SERPINA10: variants seen among roughly 807,000 people sequenced by gnomAD.
SERPINA10 encodes serpin family A member 10, also known as protein Z-dependent protease inhibitor.
Under a neutral mutation model 28.0 loss-of-function variants are expected in SERPINA10, and 24 were observed. The observed-to-expected ratio is 0.86, with a 90% CI of 0.62 to 1.20. SERPINA10 has a LOEUF of 1.20. Among genes scored for constraint, SERPINA10 ranks in the 50% most tolerant of loss-of-function variants. SERPINA10 has a pLI of 0.00. For synonymous variants in SERPINA10, 207 were observed against 203.9 expected, an observed-to-expected ratio of 1.02 and a Z score of -0.13; for missense variants, 521 against 537.7, an observed-to-expected ratio of 0.97 and a Z score of 0.31.
rs1228394827 is a variant in SERPINA10, at chr14:94,290,161, A to G, written c.433T>C (p.Phe145Leu). Residue 145 changes from phenylalanine (F) to leucine (L), a missense_variant, in exon 2 of 5, where the codon TTT becomes CTT. Coordinates refer to ENST00000261994, the MANE Select transcript of SERPINA10 (RefSeq NM_001100607.3). Reference protein sequence around the residue: ...PTKPGLLPSLFKGLRETLSRN... With the variant: ...PTKPGLLPSLLKGLRETLSRN... ...GAGAGGGTCTCTCTGAGTCCCTTAA[A>G]GAGGGAAGGCAGGAGCCCGGGCTTG... The G allele has an allele frequency of 1.9e-6, 3 of 1,613,932 alleles. No homozygotes were observed. The highest frequency in any genetic ancestry group is 3.3e-5 in the Admixed American group (2 of 59,996).
chr14:94,290,176 G>T lies in SERPINA10; in HGVS notation c.418C>A (p.Leu140Ile), dbSNP rs941881904. ...LQALKPTKPG[L>I]LPSLFKGLRE... ...AGTCCCTTAAAGAGGGAAGGCAGGA[G>T]CCCGGGCTTGGTGGGCTTCAGGGCC... Residue 140 changes from leucine (L) to isoleucine (I), a missense_variant, in exon 2 of 5, where the codon CTC becomes ATC. By Grantham distance (5) the Leu-to-Ile change is conservative. Transcript: ENST00000261994. 2 of 1,614,020 alleles carry T rather than the reference G, an allele frequency of 1.2e-6. No homozygotes were observed. Among genetic ancestry groups the T allele is most frequent in the Non-Finnish European group, 1.7e-6 (2 of 1,179,932 alleles).
At chr14:94,292,783 G>A (rs1157857330) in intron 1 of SERPINA10, 1 of 678,798 alleles carries the variant, frequency 1.5e-6, no homozygotes, top group Middle Eastern at 3.6e-4. Context: ...CATCCAGCAT[G>A]GTGAGGACGC....
rs1368860948 is a variant in SERPINA10, at chr14:94,289,900, G to C, written c.694C>G (p.Leu232Val). Reference sequence around the variant, plus strand: ...CCTTTGAACAAGATGTAATCCACAAGAATTAATTTGGTTTCAGGATTAATC... The same window carrying C: ...CCTTTGAACAAGATGTAATCCACAACAATTAATTTGGTTTCAGGATTAATC... ...DEINPETKLI[L>V]VDYILFKGKW... The change falls in exon 2 of 5, where the codon CTT becomes GTT. Residue 232 changes from leucine to valine, a missense_variant. Coordinates refer to ENST00000261994, the MANE Select transcript of SERPINA10 (RefSeq NM_001100607.3). The C allele has an allele frequency of 1.9e-6, 3 of 1,613,948 alleles. No individual in the cohort carries two copies. The highest frequency in any genetic ancestry group is 2.5e-6 in the Non-Finnish European group (3 of 1,179,966).
At chr14:94,292,837 C>T (rs1226466612) in intron 1 of SERPINA10, 1 of 608,246 alleles carries the variant, frequency 1.6e-6, no homozygotes. Flanking sequence ...CACCAGCTCA[C>T]CTGCCACTTC....
intron 3 of SERPINA10, among the ~76,000 whole-genome samples, chr14:94,286,576 CT>C (rs1895030968): frequency 6.6e-6 from 1 of 152,202 alleles, no homozygotes; most frequent in Non-Finnish European, 1.5e-5. Flanking sequence ...GTCCTGCAGC[CT>C]CCTGGATGAT....
rs1894953900 is a variant in SERPINA10, at chr14:94,283,822, A to G, written c.*143T>C. 1 of 776,818 alleles carries G rather than the reference A, an allele frequency of 1.3e-6. No homozygotes were observed. The highest frequency in any genetic ancestry group is 2.2e-6 in the Non-Finnish European group (1 of 460,826). The allele number at this position is 776,818 out of a possible 1,614,324, so 48.1% of individuals were successfully genotyped here. A position where few individuals can be genotyped will look rare whatever the true frequency, so the allele number is the denominator to read the frequency against. On this transcript the variant is annotated 3_prime_UTR_variant, in exon 5 of 5. Coordinates refer to ENST00000261994, the MANE Select transcript of SERPINA10 (RefSeq NM_001100607.3). ...TATCCCCCTCAGATAAGTGGGGACT[A>G]CTGTATTTATTTGAGAACACCCTAA...
At chr14:94,284,432 G>A (rs1482145534) in intron 4 of SERPINA10, among the ~76,000 whole-genome samples, 1 of 152,210 alleles carries the variant, frequency 6.6e-6, no homozygotes, top group Non-Finnish European at 1.5e-5. Flanking sequence ...ATGCACTCAT[G>A]CATCAAATCT....
In SERPINA10 at chr14:94,284,137, A is replaced by G; in HGVS notation, c.1163T>C (p.Ile388Thr). ...CTCAGTGCCCCTTTCATCAACTTCA[A>G]TCACTGTTCTTTGTAAAACCTGGAA... ...QVSRVLQRTV[I>T]EVDERGTEAV... The change falls in exon 5 of 5, where the codon ATT becomes ACT. Residue 388 changes from isoleucine to threonine, a missense_variant. Physicochemically the swap from Ile to Thr is moderately conservative, Grantham distance 89. Transcript: ENST00000261994. 1.2e-6 allele frequency: 2 copies of G among 1,614,136 alleles called. No individual in the cohort carries two copies. The highest frequency in any genetic ancestry group is 1.7e-6 in the Non-Finnish European group (2 of 1,179,950).
chr14:94,291,912 A>C (rs1035360231), intron 1 of SERPINA10, among the ~76,000 whole-genome samples: 1 of 152,210 alleles, frequency 6.6e-6, no homozygotes, highest in Non-Finnish European at 1.5e-5. Context: ...CTCACTCTGC[A>C]GTCTGAACGG....
intron 3 of SERPINA10, among the ~76,000 whole-genome samples, chr14:94,286,511 T>C (rs958203266): frequency 6.6e-6 from 1 of 152,246 alleles, no homozygotes; most frequent in Non-Finnish European, 1.5e-5. Flanking sequence ...AAAGTACTTA[T>C]GTGTTCATTT....
At position 94,281,268 on chromosome 14, in the gene SERPINA10, C is replaced by G. The variant is rs1436664889; in HGVS notation, c.*2697G>C. The G allele has an allele frequency of 6.6e-6, 1 of 152,186 alleles. No individual in the cohort carries two copies. Among genetic ancestry groups the G allele is most frequent in the Non-Finnish European group, 1.5e-5 (1 of 68,144 alleles). The allele number at this position is 152,186 out of a possible 1,614,324, so 9.4% of individuals were successfully genotyped here. On this transcript the variant is annotated 3_prime_UTR_variant, in exon 5 of 5. Transcript: ENST00000261994. ...TGACTAACACAGTGAAACCCCATCT[C>G]TACTTAAAATACAAAAAATTAGCCG...
At chr14:94,291,239 C>CCTATAG (rs1895172854) in intron 1 of SERPINA10, among the ~76,000 whole-genome samples, 1 of 152,156 alleles carries the variant, frequency 6.6e-6, no homozygotes, top group African/African-American at 2.4e-5. Context: ...TTCCTTCCTT[C>CCTATAG]CTATAGCTGC....
chr14:94,283,534 C>G lies in SERPINA10; in HGVS notation c.*431G>C, dbSNP rs1246506255. On this transcript the variant is annotated 3_prime_UTR_variant, in exon 5 of 5. Transcript: ENST00000261994. ...TGTCCCACCCAGGATGTGAATTCTC[C>G]CCTTGCCCAATGTCTCCACACTGTC... The G allele has an allele frequency of 4.6e-6, 1 of 217,004 alleles. No individual in the cohort carries two copies. Among genetic ancestry groups the G allele is most frequent in the Non-Finnish European group, 9.2e-6 (1 of 108,908 alleles). 13.4% of individuals were successfully genotyped at this position (217,004 alleles called of 1,614,324 possible). A position where few individuals can be genotyped will look rare whatever the true frequency, so the allele number is the denominator to read the frequency against.
In SERPINA10 at chr14:94,289,957, T is replaced by G; in HGVS notation, c.637A>C (p.Thr213Pro). 6.2e-7 allele frequency: 1 copy of G among 1,614,070 alleles called. No individual in the cohort carries two copies. The change falls in exon 2 of 5, where the codon ACT becomes CCT. Residue 213 changes from threonine to proline, a missense_variant. By Grantham distance (38) the Thr-to-Pro change is conservative. Coordinates refer to ENST00000261994, the MANE Select transcript of SERPINA10 (RefSeq NM_001100607.3). ...AACAGTTTGGGAATTTTCCCCCGAG[T>G]CTCTTTGTTAATGTAATGATTCATG... Reference protein sequence around the residue: ...RLMNHYINKETRGKIPKLFDE... With the variant: ...RLMNHYINKEPRGKIPKLFDE...
chr14:94,285,178 T>G (rs183482109), intron 4 of SERPINA10, among the ~76,000 whole-genome samples: 25 of 152,240 alleles, frequency 1.6e-4, no homozygotes, highest in Admixed American at 1.3e-4. Context: ...GTAGCTGCCA[T>G]TTGGAAATGT....
chr14:94,286,174 T>G lies in SERPINA10; in HGVS notation c.1077A>C (p.Arg359Ser), dbSNP rs1566717682. ...HELLRQMGIR[R>S]IFSPFADLSE... is the part of the protein sequence containing the mutation. Reference sequence around the variant, plus strand: ...TAAGGTCAGCAAAGGGTGAGAAGATTCTTCTGATTCCCATCTGCCTAAGCA... The same window carrying G: ...TAAGGTCAGCAAAGGGTGAGAAGATGCTTCTGATTCCCATCTGCCTAAGCA... The change falls in exon 4 of 5, where the codon AGA becomes AGC. Residue 359 changes from arginine (R) to serine (S), a missense_variant. Arg to Ser is a moderately radical substitution (Grantham distance 110). Coordinates refer to ENST00000261994, the MANE Select transcript of SERPINA10 (RefSeq NM_001100607.3). 1.9e-6 allele frequency: 3 copies of G among 1,614,108 alleles called. No homozygotes were observed. Among genetic ancestry groups the G allele is most frequent in the Non-Finnish European group, 2.5e-6 (3 of 1,180,006 alleles).
chr14:94,286,367 T>C, intron 3 of SERPINA10, 109 bp from the exon 4 acceptor site: 1 of 1,201,192 alleles, frequency 8.3e-7, no homozygotes, highest in Non-Finnish European at 1.2e-6. Flanking sequence ...AATGAGTCTT[T>C]CAGTTGACTA....
Position 94,290,416 on chromosome 14 carries a change from C to A in SERPINA10, c.178G>T (p.Ala60Ser), listed in dbSNP as rs774186114. ...EDEQEASEEK[A>S]SEEEKAWLMA... ...AGCCAGGCTTTCTCTTCCTCACTGG[C>A]CTTCTCCTCGCTGGCCTCCTGCTCA... The change falls in exon 2 of 5, where the codon GCC becomes TCC. Residue 60 changes from alanine (A) to serine (S), a missense_variant. Ala to Ser is a moderately conservative substitution (Grantham distance 99, BLOSUM62 1). Coordinates refer to ENST00000261994, the MANE Select transcript of SERPINA10 (RefSeq NM_001100607.3). The A allele has an allele frequency of 3.1e-6, 5 of 1,613,938 alleles. No homozygotes were observed. In the South Asian group the frequency reaches 5.5e-5, roughly 18 times the overall value.
Position 94,289,975 on chromosome 14 carries a change from G to A in SERPINA10, c.619C>T (p.His207Tyr). 6.2e-7 allele frequency: 1 copy of A among 1,614,216 alleles called. No homozygotes were observed. The highest frequency in any genetic ancestry group is 8.5e-7 in the Non-Finnish European group (1 of 1,180,028). The change falls in exon 2 of 5, where the codon CAT (histidine) becomes TAT (tyrosine). Residue 207 changes from histidine to tyrosine, a missense_variant. His to Tyr is a moderately conservative substitution (Grantham distance 83). Transcript: ENST00000261994. ...NASQAKRLMN[H>Y]YINKETRGKI... ...CCCCGAGTCTCTTTGTTAATGTAAT[G>A]ATTCATGAGCCTTTTGGCCTGTGAG...
Sources: gnomAD v4.1 joint callset for allele counts (sites outside exome capture counted in the v4.1 genomes callset) on GRCh38, gnomAD v4.1.1 for gene constraint, MANE v1.5 for transcripts, NCBI Gene and HGNC (gene_info 2026-07-23, HGNC 2026-07-21) for gene names.